ICE2: variants seen among roughly 807,000 people sequenced by gnomAD.
ICE2 encodes little elongation complex subunit 2.
In ICE2, 87 loss-of-function variants were observed where a neutral mutation model predicts 105.4. The observed-to-expected ratio is 0.83, with a 90% CI of 0.69 to 0.99. The LOEUF is 0.99. ICE2 is among the 50% of genes least tolerant of loss of function. The pLI, the probability that ICE2 is intolerant of heterozygous loss-of-function variation, is 0.00. For synonymous variants in ICE2, 399 were observed against 392.0 expected, an observed-to-expected ratio of 1.02 and a Z score of -0.21; for missense variants, 1,323 against 1,146.7, an observed-to-expected ratio of 1.15 and a Z score of -2.22.
chr15:60,428,357 A>C, intron 15 of ICE2, 72 bp downstream of exon 15: 3 of 1,459,738 alleles, frequency 2.1e-6, no homozygotes, highest in Non-Finnish European at 2.8e-6. Flanking sequence ...TCAGGGTGAA[A>C]TACGGTAAAG....
chr15:60,472,238 T>G (rs2064620760), intron 3 of ICE2, among the ~76,000 whole-genome samples: 1 of 152,142 alleles, frequency 6.6e-6, no homozygotes. Context: ...CTATTCGAGT[T>G]GTTCTTTCAT....
In ICE2 at chr15:60,462,051, G is replaced by C. The variant is rs569468566; in HGVS notation, c.528+4543C>G. Among the ~76,000 whole-genome samples, 10 of 152,158 alleles carry C rather than the reference G, an allele frequency of 6.6e-5. 1 individual carries two copies. In the South Asian group the frequency reaches 1.0e-3, roughly 16 times the overall value. ...AAAAAAAGAAAAGACACCAACATTG[G>C]AGAATAAGAAGGAACTAATTTTTTT... On this transcript the variant is annotated intron_variant, in intron 5 of 15. Transcript: ENST00000261520.
intron 5 of ICE2, among the ~76,000 whole-genome samples, chr15:60,457,225 G>C (rs2064151262): frequency 6.6e-6 from 1 of 152,058 alleles, no homozygotes; most frequent in Non-Finnish European, 1.5e-5. Flanking sequence ...AAAAATCAAT[G>C]AGAAATGTTA....
At chr15:60,431,693 C>T (rs955539769) in intron 14 of ICE2, among the ~76,000 whole-genome samples, 2 of 152,134 alleles carry the variant, frequency 1.3e-5, no homozygotes, top group Non-Finnish European at 2.9e-5. Context: ...CAATGTGTTA[C>T]AGCTGCAATA....
At chr15:60,462,035 A>C (rs2064292675) in intron 5 of ICE2, among the ~76,000 whole-genome samples, 1 of 152,252 alleles carries the variant, frequency 6.6e-6, no homozygotes, top group Admixed American at 6.5e-5. Flanking sequence ...TAAAAAAAGA[A>C]AAGACACCAA....
intron 15 of ICE2, among the ~76,000 whole-genome samples, chr15:60,425,810 A>T (rs1003320444): frequency 1.3e-5 from 2 of 152,186 alleles, no homozygotes; most frequent in African/African-American, 4.8e-5. Flanking sequence ...ACTAGAATCC[A>T]TATTTGCACT....
chr15:60,448,926 CAGA>C lies in ICE2; in HGVS notation c.2038_2040del (p.Ser680del). The C allele has an allele frequency of 6.2e-7, 1 of 1,613,792 alleles. No individual in the cohort carries two copies. The highest frequency in any genetic ancestry group is 1.7e-5 in the Admixed American group (1 of 59,990). On this transcript the variant is annotated inframe_deletion, in exon 10 of 16. Coordinates refer to ENST00000261520, the MANE Select transcript of ICE2 (RefSeq NM_024611.6). ...GAGTCTGAAGGACCAGACAATTGCT[CAGA>C]AACAGAAGGCTGTTTAGAATTTTCT...
chr15:60,476,137 T>C lies in ICE2; in HGVS notation c.72A>G (p.Thr24=). ...CTTTATAATTTTCTCGAGAGAAAAA[T>C]GTCTTAAGGCCATTTTTGGGGGAAA... ...WDISPKNGLK[T]FFSRENYKDH... The change falls in exon 3 of 16, where the codon ACA becomes ACG. Residue 24 remains threonine, a synonymous_variant. Transcript: ENST00000261520. 1 of 1,605,314 alleles carries C rather than the reference T, an allele frequency of 6.2e-7. No individual in the cohort carries two copies. The highest frequency in any genetic ancestry group is 8.5e-7 in the Non-Finnish European group (1 of 1,177,150).
At chr15:60,469,120 A>G (rs1250171084) in intron 3 of ICE2, among the ~76,000 whole-genome samples, 1 of 152,208 alleles carries the variant, frequency 6.6e-6, no homozygotes, top group Non-Finnish European at 1.5e-5. Context: ...TGCAGCCATA[A>G]AAAGGAATGA....
At chr15:60,463,757 C>T (rs886331785) in intron 5 of ICE2, among the ~76,000 whole-genome samples, 2 of 152,056 alleles carry the variant, frequency 1.3e-5, no homozygotes, top group South Asian at 2.1e-4. Context: ...GCGACAAGAG[C>T]GAAGCTCCGT....
At chr15:60,462,918 C>T (rs899715199) in intron 5 of ICE2, among the ~76,000 whole-genome samples, 7 of 152,182 alleles carry the variant, frequency 4.6e-5, no homozygotes, top group African/African-American at 1.7e-4. Flanking sequence ...TATAGGTATA[C>T]AAACAGTTCC....
At chr15:60,467,018 C>T (rs901913949) in intron 4 of ICE2, among the ~76,000 whole-genome samples, 10 of 152,086 alleles carry the variant, frequency 6.6e-5, no homozygotes, top group African/African-American at 2.2e-4. Flanking sequence ...GACAGAATCT[C>T]GCTTTGTTGC....
intron 8 of ICE2, 47 bp from the exon 9 acceptor site, chr15:60,453,831 A>G: frequency 6.9e-7 from 1 of 1,439,610 alleles, no homozygotes; most frequent in Non-Finnish European, 9.6e-7. Context: ...TCTAATTGTG[A>G]TATATTTTTT....
intron 13 of ICE2, among the ~76,000 whole-genome samples, chr15:60,433,796 C>CT (rs68180863): frequency 6.7e-6 from 1 of 149,194 alleles, no homozygotes; most frequent in African/African-American, 2.5e-5. Context: ...TGACCTCCTC[C>CT]TTTTTTTTAA....
intron 13 of ICE2, among the ~76,000 whole-genome samples, chr15:60,435,804 C>T (rs368768166): frequency 1.3e-5 from 2 of 152,068 alleles, no homozygotes; most frequent in African/African-American, 4.8e-5. Flanking sequence ...AGTGAAACCC[C>T]GTCTCCACAA....
chr15:60,436,812 G>A (rs1490142762), intron 12 of ICE2, among the ~76,000 whole-genome samples: 2 of 150,470 alleles, frequency 1.3e-5, no homozygotes, highest in African/African-American at 2.4e-5. Context: ...ATCATAATAT[G>A]TATTTTTATG....
At chr15:60,451,218 T>C (rs541808904) in intron 9 of ICE2, 2 of 596,022 alleles carry the variant, frequency 3.4e-6, no homozygotes, top group African/African-American at 4.0e-5. Context: ...CCAGAAAGTA[T>C]GAATAATAAT....
intron 12 of ICE2, among the ~76,000 whole-genome samples, chr15:60,436,959 AT>A (rs932752361): frequency 1.3e-5 from 2 of 152,072 alleles, no homozygotes; most frequent in African/African-American, 2.4e-5. Context: ...CTGGCTTAAT[AT>A]TTTTTAATTA....
chr15:60,421,524 A>G lies in ICE2; in HGVS notation c.*2110T>C, dbSNP rs553210760. ...GATGTTATTCAAATACATGGATAAGATAACACATTTTATGATGTAAAAAGT... is the reference window on the plus strand; with the variant it reads ...GATGTTATTCAAATACATGGATAAGGTAACACATTTTATGATGTAAAAAGT... On this transcript the variant is annotated 3_prime_UTR_variant, in exon 16 of 16. Transcript: ENST00000261520. 15 of 152,340 alleles carry G rather than the reference A, an allele frequency of 9.8e-5. No homozygotes were observed. The highest frequency in any genetic ancestry group is 1.9e-4 in the African/African-American group (8 of 41,582). The allele number at this position is 152,340 out of a possible 1,614,324, so 9.4% of individuals were successfully genotyped here.
Sources: gnomAD v4.1 joint callset for allele counts (sites outside exome capture counted in the v4.1 genomes callset) on GRCh38, gnomAD v4.1.1 for gene constraint, MANE v1.5 for transcripts, NCBI Gene and HGNC (gene_info 2026-07-23, HGNC 2026-07-21) for gene names.